The following XRRA1 variants were observed in gnomAD, a reference collection of about 807,000 sequenced individuals.
XRRA1 encodes the protein X-ray radiation resistance associated 1, also known as X-ray radiation resistance-associated protein 1.
A neutral mutation model predicts 80.2 loss-of-function variants in XRRA1; 69 were observed. The ratio of observed to expected loss-of-function variants is 0.86; its 90% CI spans 0.71 to 1.05. The LOEUF is 1.05. XRRA1 is among the 50% of genes least tolerant of loss of function. XRRA1 has a pLI of 0.00. For missense variants in XRRA1, 967 were observed against 976.4 expected (o/e 0.99, Z 0.13); for synonymous variants, 348 against 389.9 (o/e 0.89, Z 1.27).
intron 10 of XRRA1, among the ~76,000 whole-genome samples, chr11:74,890,901 A>G (rs1032315860): frequency 2.0e-5 from 3 of 152,120 alleles, no homozygotes; most frequent in South Asian, 2.1e-4. Flanking sequence ...TGAAATTGAG[A>G]CAATAATTAA....
chr11:74,841,757 G>A lies in XRRA1; in HGVS notation c.*1443C>T, dbSNP rs1172264693. On this transcript the variant is annotated 3_prime_UTR_variant, in exon 19 of 19. Transcript: ENST00000684022. ...TGTCATTTAAGGTAAAACAGGCAAT[G>A]AACTCGCTCTTCAAATACCATAGTT... is the stretch of plus-strand genomic sequence containing the variant. 1 of 152,182 alleles carries A rather than the reference G, an allele frequency of 6.6e-6. No individual in the cohort carries two copies. Among genetic ancestry groups the A allele is most frequent in the Non-Finnish European group, 1.5e-5 (1 of 68,034 alleles). 9.4% of individuals were successfully genotyped at this position (152,182 alleles called of 1,614,324 possible).
rs184437716 is a variant in XRRA1 at position 74,877,062 on chromosome 11, A to G, written c.1004-14041T>C. On this transcript the variant is annotated intron_variant, in intron 10 of 18. Transcript: ENST00000684022. ...TTACTCTGCTATTTGCAGTAGGACT[A>G]TATACTGTGGTACCTGCAATGTAGA... 5.4e-4 allele frequency: 83 copies of G among 152,318 alleles called. 1 individual carries two copies. The East Asian group carries it at 0.014, about 26-fold the overall frequency. 9.4% of individuals were successfully genotyped at this position (152,318 alleles called of 1,614,324 possible). A position where few individuals can be genotyped will look rare whatever the true frequency, so the allele number is the denominator to read the frequency against.
chr11:74,878,654 A>C (rs1425534443), intron 10 of XRRA1, among the ~76,000 whole-genome samples: 17 of 149,058 alleles, frequency 1.1e-4, no homozygotes, highest in Non-Finnish European at 2.1e-4. Flanking sequence ...GGTGTAAGGA[A>C]GGGATCCAGT....
intron 16 of XRRA1, among the ~76,000 whole-genome samples, chr11:74,844,774 C>T (rs2037577503): frequency 6.6e-6 from 1 of 152,232 alleles, no homozygotes; most frequent in South Asian, 2.1e-4. Flanking sequence ...GTTCATTCAT[C>T]ACACTTTTCC....
intron 10 of XRRA1, among the ~76,000 whole-genome samples, chr11:74,865,660 A>G (rs1451092860): frequency 6.6e-6 from 1 of 152,174 alleles, no homozygotes; most frequent in Non-Finnish European, 1.5e-5. Context: ...AATGAGATGG[A>G]CCACCAGCTT....
At chr11:74,934,077 GAATAC>G (rs1475051358) in intron 4 of XRRA1, among the ~76,000 whole-genome samples, 1 of 152,142 alleles carries the variant, frequency 6.6e-6, no homozygotes, top group African/African-American at 2.4e-5. Flanking sequence ...ACGCTTTGCT[GAATAC>G]ATTAACAAAC....
chr11:74,936,441 T>C (rs1013453945), intron 4 of XRRA1, among the ~76,000 whole-genome samples: 1 of 152,258 alleles, frequency 6.6e-6, no homozygotes, highest in Non-Finnish European at 1.5e-5. Context: ...TACTAGGTGC[T>C]GGAATGCAAT....
intron 2 of XRRA1, among the ~76,000 whole-genome samples, chr11:74,942,232 T>C (rs1591648924): frequency 6.6e-6 from 1 of 151,888 alleles, no homozygotes; most frequent in East Asian, 1.9e-4. Context: ...GAAAACTCTA[T>C]GAAAGAGGCA....
chr11:74,875,044 A>G (rs1255015505), intron 10 of XRRA1, among the ~76,000 whole-genome samples: 2 of 152,232 alleles, frequency 1.3e-5, no homozygotes, highest in African/African-American at 4.8e-5. Context: ...GAATCCAAGT[A>G]TGCTTTCTTA....
chr11:74,945,636 A>G (rs1046757570), intron 1 of XRRA1, among the ~76,000 whole-genome samples: 8 of 150,606 alleles, frequency 5.3e-5, no homozygotes, highest in African/African-American at 2.0e-4. Context: ...TATCTAAGAC[A>G]AGTAAGATCT....
chr11:74,897,049 G>A (rs2052488765), intron 10 of XRRA1, among the ~76,000 whole-genome samples: 1 of 152,118 alleles, frequency 6.6e-6, no homozygotes, highest in African/African-American at 2.4e-5. Flanking sequence ...CAATCCTGGA[G>A]AAACAGAGAT....
At chr11:74,879,942 T>A (rs2047092782) in intron 10 of XRRA1, among the ~76,000 whole-genome samples, 2 of 152,110 alleles carry the variant, frequency 1.3e-5, no homozygotes, top group South Asian at 4.1e-4. Context: ...TTGCTGTGTC[T>A]CTGCCTGGCT....
At chr11:74,899,584 T>C (rs1051317094) in intron 10 of XRRA1, among the ~76,000 whole-genome samples, 4 of 152,156 alleles carry the variant, frequency 2.6e-5, no homozygotes, top group African/African-American at 9.7e-5. Flanking sequence ...TTACAGCTGT[T>C]ACTGAAGAAA....
At position 74,921,279 on chromosome 11, in the gene XRRA1, G is replaced by A. The variant is rs778330668; in HGVS notation, c.591C>T (p.Leu197=). The A allele has an allele frequency of 6.2e-7, 1 of 1,613,904 alleles. No homozygotes were observed. The highest frequency in any genetic ancestry group is 1.3e-5 in the African/African-American group (1 of 74,940). ...AICDLGILPH[L]RVLLLTGNGL... ...CATTGCCTGTGAGGAGCAGGACACG[G>A]AGGTGTGGCAGAATCCCCAAATCAC... Residue 197 remains leucine, a synonymous_variant, in exon 8 of 19, where the codon CTC becomes CTT. Transcript: ENST00000684022.
chr11:74,947,322 T>G (rs991430004), intron 1 of XRRA1, among the ~76,000 whole-genome samples: 20 of 152,020 alleles, frequency 1.3e-4, no homozygotes, highest in Non-Finnish European at 1.5e-5. Flanking sequence ...GGTCATGAGT[T>G]CAAGACTAGG....
chr11:74,926,961 C>T (rs1322920507), intron 7 of XRRA1, among the ~76,000 whole-genome samples: 2 of 151,952 alleles, frequency 1.3e-5, no homozygotes, highest in Non-Finnish European at 2.9e-5. Context: ...TGGAATCAGT[C>T]TATAATGTCT....
At chr11:74,858,509 C>A (rs746827390) in intron 12 of XRRA1, among the ~76,000 whole-genome samples, 1 of 152,220 alleles carries the variant, frequency 6.6e-6, no homozygotes, top group African/African-American at 2.4e-5. Flanking sequence ...GAGTATCTTA[C>A]AAGTTTCCTG....
At chr11:74,937,699 A>G (rs997405125) in intron 3 of XRRA1, among the ~76,000 whole-genome samples, 2 of 152,234 alleles carry the variant, frequency 1.3e-5, no homozygotes, top group African/African-American at 2.4e-5. Context: ...TAAGCTCACC[A>G]AACAAAAATC....
chr11:74,854,131 A>G (rs959700146), intron 12 of XRRA1, among the ~76,000 whole-genome samples: 2 of 152,142 alleles, frequency 1.3e-5, no homozygotes, highest in South Asian at 2.1e-4. Context: ...AAATTTATCA[A>G]TTTGCTTTGG....
Sources: gnomAD v4.1 joint callset for allele counts (sites outside exome capture counted in the v4.1 genomes callset) on GRCh38, gnomAD v4.1.1 for gene constraint, MANE v1.5 for transcripts, NCBI Gene and HGNC (gene_info 2026-07-23, HGNC 2026-07-21) for gene names.